Variants in SPIRE1 observed in about 807,000 individuals in gnomAD.
SPIRE1 encodes the protein spire type actin nucleation factor 1.
In SPIRE1, 40 loss-of-function variants were observed where a neutral mutation model predicts 94.1. That is an observed-to-expected ratio of 0.43 (90% CI 0.33 to 0.55). SPIRE1 has a LOEUF of 0.55. Among genes scored for constraint, SPIRE1 ranks in the 20% least tolerant of loss-of-function variants. The pLI is 0.06. For missense variants in SPIRE1, 838 were observed against 975.2 expected, an observed-to-expected ratio of 0.86 and a Z score of 1.87; for synonymous variants, 376 against 371.7, an observed-to-expected ratio of 1.01 and a Z score of -0.13.
In SPIRE1 at chr18:12,574,250, AATAG is replaced by A. The variant is rs573713059; in HGVS notation, c.373-27350_373-27347del. On this transcript the variant is annotated intron_variant, in intron 2 of 16. Transcript: ENST00000409402. ...TAAAAAAAGTATTAATTTTTAAAAA[AATAG>A]ATAGATAATGTGGCTTTAAAAATAC... Among the ~76,000 whole-genome samples the A allele has an allele frequency of 1.4e-4, 21 of 152,350 alleles. No individual in the cohort carries two copies. The East Asian group carries it at 2.5e-3, about 18-fold the overall frequency.
In SPIRE1 at chr18:12,449,614, A is replaced by T; in HGVS notation, c.*24T>A. ...GCGCACGGACGCTGACTCGTAGCAC[A>T]AAAGCAGCTGAAAGGCACGAGGCTC... On this transcript the variant is annotated 3_prime_UTR_variant, in exon 17 of 17. Coordinates refer to ENST00000409402, the MANE Select transcript of SPIRE1 (RefSeq NM_001128626.2). The T allele has an allele frequency of 6.2e-7, 1 of 1,609,432 alleles. No homozygotes were observed.
chr18:12,626,886 A>ATATATATATATATATATATATAT (rs55915333), intron 2 of SPIRE1, among the ~76,000 whole-genome samples: 2 of 111,896 alleles, frequency 1.8e-5, no homozygotes, highest in South Asian at 3.4e-4. Flanking sequence ...ATATATATAT[A>ATATATATATATATATATATATAT]TTTTTTTTTT....
Position 12,657,599 on chromosome 18 carries a change from C to T in SPIRE1, c.268G>A (p.Val90Ile). The T allele has an allele frequency of 7.9e-7, 1 of 1,268,564 alleles. No individual in the cohort carries two copies. The highest frequency in any genetic ancestry group is 9.9e-7 in the Non-Finnish European group (1 of 1,011,074). 78.6% of individuals were successfully genotyped at this position (1,268,564 alleles called of 1,614,324 possible). A position where few individuals can be genotyped will look rare whatever the true frequency, so the allele number is the denominator to read the frequency against. ...AGGGTGACGGCGCCGTCCCTCCAGA[C>T]GCGGATCTGCGCGGCCGAGCGCACA... The part of the protein sequence containing the change: ...HRVRSAAQIR[V>I]WRDGAVTLAP... The change falls in exon 1 of 17, where the codon GTC (valine) becomes ATC (isoleucine). Residue 90 changes from valine to isoleucine, a missense_variant. Around this residue, in one of 2 missense-constraint regions of SPIRE1, gnomAD observed 193 missense variants for 170.5 expected, o/e 1.13. Transcript: ENST00000409402.
At chr18:12,465,961 G>A (rs2032077496) in intron 10 of SPIRE1, among the ~76,000 whole-genome samples, 1 of 151,962 alleles carries the variant, frequency 6.6e-6, no homozygotes, top group African/African-American at 2.4e-5. Flanking sequence ...GCACGCGCCT[G>A]TAGTCCCAGC....
At chr18:12,562,882 A>G (rs1372234580) in intron 2 of SPIRE1, among the ~76,000 whole-genome samples, 1 of 152,166 alleles carries the variant, frequency 6.6e-6, no homozygotes, top group Non-Finnish European at 1.5e-5. Flanking sequence ...AGTTAACACA[A>G]TAACAAAATT....
intron 10 of SPIRE1, 57 bp from the exon 11 acceptor site, chr18:12,465,015 C>A: frequency 7.1e-7 from 1 of 1,412,382 alleles, no homozygotes; most frequent in Non-Finnish European, 9.9e-7. Flanking sequence ...TCTAGTGCTA[C>A]GTAATAACAT....
intron 12 of SPIRE1, among the ~76,000 whole-genome samples, chr18:12,461,659 G>T (rs531502655): frequency 6.6e-6 from 1 of 151,720 alleles, no homozygotes; most frequent in African/African-American, 2.4e-5. Flanking sequence ...ACAGGGTCTT[G>T]CTGTGTCATC....
chr18:12,598,017 G>A (rs919453245), intron 2 of SPIRE1, among the ~76,000 whole-genome samples: 2 of 152,096 alleles, frequency 1.3e-5, no homozygotes. Flanking sequence ...ACATACTTTG[G>A]ATTTTTATAC....
chr18:12,649,897 C>A (rs1406292322), intron 1 of SPIRE1, among the ~76,000 whole-genome samples: 1 of 152,208 alleles, frequency 6.6e-6, no homozygotes, highest in Non-Finnish European at 1.5e-5. Context: ...TGACCCCTCT[C>A]TTATAACCCA....
At chr18:12,650,965 A>G (rs901415162) in intron 1 of SPIRE1, among the ~76,000 whole-genome samples, 7 of 152,156 alleles carry the variant, frequency 4.6e-5, no homozygotes, top group African/African-American at 1.7e-4. Context: ...CTTACTGTTA[A>G]GGCTCCTCCC....
chr18:12,613,681 C>T lies in SPIRE1; in HGVS notation c.372+21381G>A, dbSNP rs187959248. 2.9e-3 allele frequency among the ~76,000 whole-genome samples: 434 copies of T among 152,236 alleles called. 1 individual carries two copies. Among genetic ancestry groups the T allele is most frequent in the Non-Finnish European group, 4.0e-3 (269 of 68,024 alleles). Reference sequence around the variant, plus strand: ...TTGGAAGGCCAAGGTGGGAGGATCACTTGAGGTCAGGAGTTTGAGACCAGG... The same window carrying T: ...TTGGAAGGCCAAGGTGGGAGGATCATTTGAGGTCAGGAGTTTGAGACCAGG... On this transcript the variant is annotated intron_variant, in intron 2 of 16. Transcript: ENST00000409402.
intron 2 of SPIRE1, among the ~76,000 whole-genome samples, chr18:12,620,911 AT>A (rs1195303235): frequency 3.3e-5 from 5 of 152,036 alleles, no homozygotes; most frequent in Non-Finnish European, 5.9e-5. Flanking sequence ...GTGATAAGAA[AT>A]TTTATCTACA....
chr18:12,525,668 C>G (rs897026528), intron 4 of SPIRE1, among the ~76,000 whole-genome samples: 2 of 152,036 alleles, frequency 1.3e-5, no homozygotes, highest in African/African-American at 2.4e-5. Context: ...CACACGGGAA[C>G]CTGCTTCCTC....
At chr18:12,654,815 G>T (rs2038490225) in intron 1 of SPIRE1, among the ~76,000 whole-genome samples, 1 of 151,964 alleles carries the variant, frequency 6.6e-6, no homozygotes, top group African/African-American at 2.4e-5. Context: ...GGATCATGAG[G>T]TCAAGAGATC....
At chr18:12,457,846 CTTTTTTTT>C (rs201510377) in intron 12 of SPIRE1, among the ~76,000 whole-genome samples, 1 of 132,260 alleles carries the variant, frequency 7.6e-6, no homozygotes, top group African/African-American at 2.8e-5. Flanking sequence ...TTTCTTTTTT[CTTTTTTTT>C]TTTTTTTTGA....
At chr18:12,469,554 T>TTA (rs2032257139) in intron 10 of SPIRE1, among the ~76,000 whole-genome samples, 1 of 146,444 alleles carries the variant, frequency 6.8e-6, no homozygotes, top group Admixed American at 6.9e-5. Flanking sequence ...TGCTTACTCT[T>TTA]TATATATATA....
At chr18:12,645,551 CT>C (rs2038201123) in intron 1 of SPIRE1, among the ~76,000 whole-genome samples, 1 of 152,098 alleles carries the variant, frequency 6.6e-6, no homozygotes, top group Non-Finnish European at 1.5e-5. Flanking sequence ...CTCTCCATTC[CT>C]ACTGCCCTAA....
At chr18:12,592,026 ATTAACT>A (rs1010401249) in intron 2 of SPIRE1, among the ~76,000 whole-genome samples, 2 of 151,822 alleles carry the variant, frequency 1.3e-5, no homozygotes, top group Non-Finnish European at 2.9e-5. Context: ...AAAATCAGGA[ATTAACT>A]TTAACTTTGA....
Position 12,546,779 on chromosome 18 carries a change from A to T in SPIRE1, c.498T>A (p.Ala166=). ...CATAGCCCTCATCATTGCTACCGTCAGCTTCCACCGTGTTGGCCATGTGAT... is the reference window on the plus strand; with the variant it reads ...CATAGCCCTCATCATTGCTACCGTCTGCTTCCACCGTGTTGGCCATGTGAT... ...LIDHMANTVE[A]DGSNDEGYEA... is the part of the protein sequence containing the mutation. Residue 166 remains alanine, a synonymous_variant, in exon 3 of 17, where the codon GCT becomes GCA. Transcript: ENST00000409402. The T allele has an allele frequency of 6.2e-7, 1 of 1,613,900 alleles. No individual in the cohort carries two copies. The highest frequency in any genetic ancestry group is 8.5e-7 in the Non-Finnish European group (1 of 1,179,980).
Sources: gnomAD v4.1 joint callset for allele counts (sites outside exome capture counted in the v4.1 genomes callset) on GRCh38, gnomAD v4.1.1 for gene constraint, gnomAD v4.1.1 regional missense constraint, MANE v1.5 for transcripts, NCBI Gene and HGNC (gene_info 2026-07-23, HGNC 2026-07-21) for gene names.